Variants in MSI2 observed in about 807,000 individuals in gnomAD.
MSI2 encodes musashi RNA binding protein 2, also known as RNA-binding protein Musashi homolog 2.
In MSI2, 17 loss-of-function variants were observed where a neutral mutation model predicts 45.6. The observed-to-expected ratio is 0.37, with a 90% CI of 0.26 to 0.56. The LOEUF is 0.56. Ranked by LOEUF, MSI2 falls within the 20% of genes least tolerant of loss-of-function variation. The probability of loss-of-function intolerance (pLI) is 0.77; values close to 1 mark genes in which losing one functional copy is unlikely to be tolerated. For synonymous variants in MSI2, 156 were observed against 158.2 expected (o/e 0.99, Z 0.11); for missense variants, 293 against 444.2 (o/e 0.66, Z 3.06).
chr17:57,357,126 A>G (rs1236229006), intron 5 of MSI2, among the ~76,000 whole-genome samples: 1 of 152,012 alleles, frequency 6.6e-6, no homozygotes, highest in African/African-American at 2.4e-5. Flanking sequence ...CTGAGAAAAC[A>G]AAGCAGCTCT....
chr17:57,342,874 T>C (rs1213078844), intron 5 of MSI2, among the ~76,000 whole-genome samples: 11 of 152,228 alleles, frequency 7.2e-5, no homozygotes, highest in Non-Finnish European at 1.6e-4. Context: ...TCTTTTGCCA[T>C]TATAAGTCTT....
rs143871893 is a variant in MSI2, at chr17:57,574,869, C to G, written c.455-21999C>G. ...TTTTTGAGACGGAGTCTCGCTCTGT[C>G]GCCCAGGCTGGAGTGCAGTGGCACG... On this transcript the variant is annotated intron_variant, in intron 7 of 13. Coordinates refer to ENST00000284073, the MANE Select transcript of MSI2 (RefSeq NM_138962.4). Among the ~76,000 whole-genome samples, 11 of 140,898 alleles carry G rather than the reference C, an allele frequency of 7.8e-5. No individual in the cohort carries two copies. The East Asian group carries it at 1.9e-3, about 25-fold the overall frequency. 92.4% of individuals were successfully genotyped at this position (140,898 alleles called of 152,430 possible).
At chr17:57,393,829 G>T (rs2083840603) in intron 5 of MSI2, among the ~76,000 whole-genome samples, 1 of 152,152 alleles carries the variant, frequency 6.6e-6, no homozygotes, top group Non-Finnish European at 1.5e-5. Context: ...TTACAGACGT[G>T]CACCACCATG....
At chr17:57,435,779 C>T (rs1241998335) in intron 6 of MSI2, among the ~76,000 whole-genome samples, 1 of 152,214 alleles carries the variant, frequency 6.6e-6, no homozygotes, top group Non-Finnish European at 1.5e-5. Context: ...CATTGCCCTT[C>T]CAATGGGACT....
chr17:57,517,235 G>T (rs1214814207), intron 6 of MSI2, among the ~76,000 whole-genome samples: 2 of 152,230 alleles, frequency 1.3e-5, no homozygotes, highest in African/African-American at 4.8e-5. Context: ...TTAGGGATAA[G>T]GGGATTGGGG....
At position 57,274,671 on chromosome 17, in the gene MSI2, G is replaced by A. The variant is rs573278379; in HGVS notation, c.312+12479G>A. 9.8e-5 allele frequency among the ~76,000 whole-genome samples: 15 copies of A among 152,328 alleles called. No homozygotes were observed. In the South Asian group the frequency reaches 2.5e-3, roughly 25 times the overall value. The stretch of plus-strand genomic sequence containing the variant: ...GAAATACAAAAGAAGACACACACAC[G>A]TGGTTGTGCGTTTATGCATATAAAT... On this transcript the variant is annotated intron_variant, in intron 5 of 13. Coordinates refer to ENST00000284073, the MANE Select transcript of MSI2 (RefSeq NM_138962.4).
At chr17:57,546,718 A>G (rs980480821) in intron 7 of MSI2, among the ~76,000 whole-genome samples, 2 of 152,218 alleles carry the variant, frequency 1.3e-5, no homozygotes, top group Admixed American at 6.5e-5. Context: ...GGGTTTCCCC[A>G]GGATGGCCAG....
At chr17:57,699,784 C>G in the MSI2 span, among the ~76,000 whole-genome samples, 2 of 152,190 alleles carry the variant, frequency 1.3e-5, no homozygotes, top group African/African-American at 4.8e-5. Flanking sequence ...CCAAGGAGCA[C>G]CCCCCACGGA....
At chr17:57,352,676 A>AT (rs1394568094) in intron 5 of MSI2, among the ~76,000 whole-genome samples, 1 of 152,234 alleles carries the variant, frequency 6.6e-6, no homozygotes, top group Non-Finnish European at 1.5e-5. Context: ...CAATCCCTGA[A>AT]TAATTGTCAC....
chr17:57,664,787 A>G (rs1402470183), intron 11 of MSI2, among the ~76,000 whole-genome samples: 1 of 152,182 alleles, frequency 6.6e-6, no homozygotes, highest in African/African-American at 2.4e-5. Context: ...TGGACCTGTT[A>G]ATAGCTGCTG....
intron 11 of MSI2, among the ~76,000 whole-genome samples, chr17:57,674,215 G>A (rs1480430645): frequency 1.6e-5 from 2 of 127,606 alleles, no homozygotes; most frequent in African/African-American, 5.8e-5. Flanking sequence ...CAGTATTGAT[G>A]ACTTTCATTC....
At chr17:57,308,979 C>T (rs9894710) in intron 5 of MSI2, among the ~76,000 whole-genome samples, 7,226 of 152,224 alleles carry the variant, frequency 0.047, 540 homozygotes, top group African/African-American at 0.16. Flanking sequence ...TGTCACCTGG[C>T]AGGCTTCCCA....
chr17:57,569,142 T>A (rs1188531688), intron 7 of MSI2, among the ~76,000 whole-genome samples: 1 of 152,122 alleles, frequency 6.6e-6, no homozygotes, highest in Non-Finnish European at 1.5e-5. Context: ...ATAGGGCCCC[T>A]GGGACTAAGC....
chr17:57,479,132 G>T (rs2085599258), intron 6 of MSI2, among the ~76,000 whole-genome samples: 1 of 152,118 alleles, frequency 6.6e-6, no homozygotes. Flanking sequence ...CCAGCCAATA[G>T]AGCCCTACAA....
intron 5 of MSI2, chr17:57,263,383 G>T (rs1907497366): frequency 6.6e-6 from 1 of 152,174 alleles, no homozygotes; most frequent in South Asian, 2.1e-4. Flanking sequence ...TTAAGCAAAT[G>T]ATAGGAATTA....
intron 5 of MSI2, among the ~76,000 whole-genome samples, chr17:57,354,271 T>C (rs1368676532): frequency 6.6e-6 from 1 of 152,164 alleles, no homozygotes; most frequent in African/African-American, 2.4e-5. Flanking sequence ...CTGGTGATGT[T>C]AGTTTTGGTG....
intron 7 of MSI2, among the ~76,000 whole-genome samples, chr17:57,581,832 G>A (rs529306564): frequency 6.6e-5 from 10 of 152,244 alleles, no homozygotes; most frequent in Non-Finnish European, 8.8e-5. Flanking sequence ...GTAAGTCGTC[G>A]CTTAACACAT....
intron 5 of MSI2, among the ~76,000 whole-genome samples, chr17:57,382,183 C>T (rs1598195822): frequency 6.6e-6 from 1 of 152,028 alleles, no homozygotes; most frequent in East Asian, 1.9e-4. Context: ...ACTGAATGGC[C>T]CAGGTACTGG....
intron 11 of MSI2, among the ~76,000 whole-genome samples, chr17:57,665,323 T>C (rs1421528698): frequency 6.6e-6 from 1 of 152,222 alleles, no homozygotes; most frequent in Non-Finnish European, 1.5e-5. Context: ...GCAGCCGCCC[T>C]CCTTGACTGA....
Sources: allele counts gnomAD v4.1 joint callset (sites outside exome capture counted in the v4.1 genomes callset), GRCh38; gene constraint gnomAD v4.1.1; transcripts MANE v1.5; gene names NCBI Gene and HGNC (gene_info 2026-07-23, HGNC 2026-07-21).